FASN: variants seen among roughly 807,000 people sequenced by gnomAD.
FASN encodes 3-hydroxyacyl-[acyl-carrier-protein] dehydratase.
In FASN, 50 loss-of-function variants were observed where a neutral mutation model predicts 250.0. That is an observed-to-expected ratio of 0.20 (90% CI 0.16 to 0.25). The LOEUF is 0.25. Ranked by LOEUF, FASN falls within the 10% of genes least tolerant of loss-of-function variation. FASN has a pLI of 1.00. For missense variants in FASN, 3,031 were observed against 3,498.5 expected (o/e 0.87, Z 3.37); for synonymous variants, 1,909 against 1,584.0 (o/e 1.21, Z -4.87).
intron 39 of FASN, 28 bp downstream of exon 39, chr17:82,080,664 C>T (rs1351398258): frequency 6.4e-7 from 1 of 1,560,090 alleles, no homozygotes; most frequent in East Asian, 2.4e-5. Flanking sequence ...GCACTGACCA[C>T]CGCTTCCAGA....
In FASN at chr17:82,083,320, G is replaced by A. The variant is rs1389792090; in HGVS notation, c.5447C>T (p.Ala1816Val). The A allele has an allele frequency of 6.2e-7, 1 of 1,612,600 alleles. No individual in the cohort carries two copies. Residue 1816 changes from alanine (A) to valine (V), a missense_variant, in exon 32 of 43, where the codon GCC becomes GTC. By Grantham distance (64) the Ala-to-Val change is moderately conservative (BLOSUM62 0). Coordinates refer to ENST00000306749, the MANE Select transcript of FASN (RefSeq NM_004104.5). ...CCGTACCACCCCATCCCGGATGCCG[G>A]CCTGCACAAGCGCCCACACCTCCCG... is the stretch of plus-strand genomic sequence containing the variant. ...DWREVWALVQ[A>V]GIRDGVVRPL... is the part of the protein sequence containing the mutation.
chr17:82,096,269 T>C (rs1598585871), intron 2 of FASN, 50 bp downstream of exon 2: 1 of 1,606,434 alleles, frequency 6.2e-7, no homozygotes, highest in African/African-American at 1.3e-5. Flanking sequence ...AGGACAAAGG[T>C]GGAGATGGAG....
rs1234748346 is a variant in FASN at position 82,092,461 on chromosome 17, C to T, written c.1023G>A (p.Leu341=). ...HPEPASGLAA[L]AKVLLSLEHG... is the part of the protein sequence containing the mutation. ...CAAGCCCAGCCCCACCTACCTTGGC[C>T]AGGGCTGCCAGCCCCGAGGCTGGCT... Residue 341 remains leucine (L), a synonymous_variant, in exon 8 of 43, where the codon CTG becomes CTA. Transcript: ENST00000306749. The T allele has an allele frequency of 5.1e-6, 8 of 1,573,306 alleles. No individual in the cohort carries two copies. The highest frequency in any genetic ancestry group is 6.9e-6 in the Non-Finnish European group (8 of 1,162,382).
In FASN at chr17:82,085,391, C is replaced by T; in HGVS notation, c.4134G>A (p.Glu1378=). ...GQGILSQDAW[E]SLFSRVSLRL... is the part of the protein sequence containing the mutation. ...GCAGCGACACCCTGGAGAAGAGGCT[C>T]TCCCACGCGTCCTGTGGGGGCGGTG... Residue 1378 remains glutamate (E), a synonymous_variant, in exon 24 of 43, where the codon GAG becomes GAA. Coordinates refer to ENST00000306749, the MANE Select transcript of FASN (RefSeq NM_004104.5). 1 of 1,610,852 alleles carries T rather than the reference C, an allele frequency of 6.2e-7. No individual in the cohort carries two copies. The highest frequency in any genetic ancestry group is 8.5e-7 in the Non-Finnish European group (1 of 1,179,254).
At position 82,079,208 on chromosome 17, in the gene FASN, C is replaced by T; in HGVS notation, c.7471G>A (p.Glu2491Lys). The change falls in exon 43 of 43, where the codon GAG becomes AAG. Residue 2491 changes from glutamate to lysine, a missense_variant. Transcript: ENST00000306749. ...HRTLLEGSGLESIISIIHSSL... is the reference protein window; with the variant it reads ...HRTLLEGSGLKSIISIIHSSL... ...CTGTGGATGATGCTGATGATGGACTCCAGGCCGCTGCCCTCCAGCAGCGTG... is the reference window on the plus strand; with the variant it reads ...CTGTGGATGATGCTGATGATGGACTTCAGGCCGCTGCCCTCCAGCAGCGTG... 2 of 1,612,958 alleles carry T rather than the reference C, an allele frequency of 1.2e-6. No homozygotes were observed. Among genetic ancestry groups the T allele is most frequent in the Non-Finnish European group, 1.7e-6 (2 of 1,179,962 alleles).
intron 10 of FASN, 24 bp from the exon 11 acceptor site, chr17:82,090,588 G>C (rs1472523327): frequency 1.2e-6 from 2 of 1,601,318 alleles, no homozygotes; most frequent in African/African-American, 1.3e-5. Flanking sequence ...AGGACACTCA[G>C]GTTGCAACCT....
In FASN at chr17:82,079,594, C is replaced by T; in HGVS notation, c.7161G>A (p.Leu2387=). ...GCTCCTCTAGGCCCTTCAGCGGCAGCAGCGCCTCCAGCACCTGTGGGGTCG... is the reference window on the plus strand; with the variant it reads ...GCTCCTCTAGGCCCTTCAGCGGCAGTAGCGCCTCCAGCACCTGTGGGGTCG... ...DMEHNRVLEA[L]LPLKGLEERV... Residue 2387 remains leucine (L), a synonymous_variant, in exon 42 of 43, where the codon CTG becomes CTA. Transcript: ENST00000306749. 1 of 1,600,434 alleles carries T rather than the reference C, an allele frequency of 6.2e-7. No homozygotes were observed. The highest frequency in any genetic ancestry group is 8.5e-7 in the Non-Finnish European group (1 of 1,179,724).
rs1488899551 is a variant in FASN, at chr17:82,081,788, C to G, written c.6219G>C (p.Met2073Ile). 7 of 1,612,364 alleles carry G rather than the reference C, an allele frequency of 4.3e-6. No individual in the cohort carries two copies. Among genetic ancestry groups the G allele is most frequent in the Non-Finnish European group, 5.9e-6 (7 of 1,179,918 alleles). The change falls in exon 37 of 43, where the codon ATG becomes ATC. Residue 2073 changes from methionine to isoleucine, a missense_variant. Transcript: ENST00000306749. The stretch of plus-strand genomic sequence containing the variant: ...CACTGACGATCGTGTCGTTGGTGCT[C>G]ATCGTCTCCACCAAAATGCCCACGT... ...IGDVGILVET[M>I]STNDTIVSGT... is the part of the protein sequence containing the mutation.
rs2034032198 is a variant in FASN at position 82,083,642 on chromosome 17, A to G, written c.5219-3T>C. ...GGAGTTCAAGACCAGGTCAACGCCT[A>G]GGGGGCCAGAGGGGCCAGACAATCA... On this transcript the variant is annotated splice_polypyrimidine_tract_variant and splice_region_variant and intron_variant, in intron 30 of 42. Transcript: ENST00000306749. 4.4e-6 allele frequency: 7 copies of G among 1,605,654 alleles called. No individual in the cohort carries two copies. Among genetic ancestry groups the G allele is most frequent in the Non-Finnish European group, 5.9e-6 (7 of 1,177,016 alleles).
At chr17:82,082,727 T>A (rs765381381) in intron 33 of FASN, 49 bp from the exon 34 acceptor site, 2 of 1,598,356 alleles carry the variant, frequency 1.3e-6, no homozygotes, top group East Asian at 4.5e-5. Flanking sequence ...TACGGTCTCT[T>A]CCCTACACGC....
At chr17:82,090,623 G>C in intron 10 of FASN, 59 bp from the exon 11 acceptor site, 1 of 1,481,148 alleles carries the variant, frequency 6.8e-7, no homozygotes, top group Non-Finnish European at 9.3e-7. Flanking sequence ...TGTTGGGGGC[G>C]GCCCCCGGCC....
chr17:82,080,151 C>G lies in FASN; in HGVS notation c.7135G>C (p.Glu2379Gln), dbSNP rs778424897. 17 of 1,613,082 alleles carry G rather than the reference C, an allele frequency of 1.1e-5. No homozygotes were observed. The highest frequency in any genetic ancestry group is 9.3e-5 in the African/African-American group (7 of 74,940). Residue 2379 changes from glutamate (E) to glutamine (Q), a missense_variant, in exon 41 of 43, where the codon GAG becomes CAG. By Grantham distance (29) the Glu-to-Gln change is conservative. Transcript: ENST00000306749. ...CFFVQQFTDM[E>Q]HNRVLEALLP... ...TGTCCAGGACCCACCCTGTTGTGCTCCATGTCCGTGAACTGCTGCACGAAG... is the reference window on the plus strand; with the variant it reads ...TGTCCAGGACCCACCCTGTTGTGCTGCATGTCCGTGAACTGCTGCACGAAG...
intron 3 of FASN, 190 bp from the exon 4 acceptor site, chr17:82,093,961 C>G: frequency 1.5e-6 from 1 of 648,480 alleles, no homozygotes; most frequent in Admixed American, 2.4e-5. Flanking sequence ...CAGAACAGAG[C>G]CTGTGGCCAG....
chr17:82,086,917 G>A (rs936501298), intron 21 of FASN, 133 bp downstream of exon 21: 67 of 978,394 alleles, frequency 6.8e-5, no homozygotes, highest in East Asian at 1.0e-4. Flanking sequence ...CGTGAGCTCC[G>A]GCCGGAGGGT....
chr17:82,092,614 G>T (rs754674858), intron 7 of FASN, 25 bp from the exon 8 acceptor site: 5 of 1,604,072 alleles, frequency 3.1e-6, no homozygotes, highest in Non-Finnish European at 4.2e-6. Context: ...GGGGGTGAGG[G>T]GCTCTGGCCA....
chr17:82,088,767 A>G lies in FASN; in HGVS notation c.2414T>C (p.Leu805Pro). Reference sequence around the variant, plus strand: ...GGGCTGGGAAGGGACCCACCCTGAGAGGTGCAGCCTGCCGATGCCGGCCAG... The same window carrying G: ...GGGCTGGGAAGGGACCCACCCTGAGGGGTGCAGCCTGCCGATGCCGGCCAG... ...FFLAGIGRLHLSGIDANPNAL... is the reference protein window; with the variant it reads ...FFLAGIGRLHPSGIDANPNAL... The change falls in exon 15 of 43, where the codon CTC becomes CCC. Residue 805 changes from leucine (L) to proline (P), a missense_variant. Leu to Pro is a moderately conservative substitution (Grantham distance 98, BLOSUM62 -3). Coordinates refer to ENST00000306749, the MANE Select transcript of FASN (RefSeq NM_004104.5). The G allele has an allele frequency of 6.2e-7, 1 of 1,611,574 alleles. No individual in the cohort carries two copies. The highest frequency in any genetic ancestry group is 8.5e-7 in the Non-Finnish European group (1 of 1,179,268).
chr17:82,092,269 G>A lies in FASN; in HGVS notation c.1029+186C>T, dbSNP rs145584748. Among the ~76,000 whole-genome samples the A allele has an allele frequency of 3.6e-3, 542 of 152,322 alleles. 5 individuals are homozygous for A. The highest frequency in any genetic ancestry group is 5.1e-3 in the Non-Finnish European group (347 of 68,016). On this transcript the variant is annotated intron_variant, in intron 8 of 42. Transcript: ENST00000306749. ...GGGAAGGCCCAGCGAGCCTGGCTAC[G>A]AGCTCTCCCTGCTGTCAGCCTCAGT...
intron 1 of FASN, among the ~76,000 whole-genome samples, chr17:82,097,775 GGGA>G (rs1568120203): frequency 6.6e-6 from 1 of 152,106 alleles, no homozygotes; most frequent in East Asian, 1.9e-4. Context: ...GGGCGGCTCC[GGGA>G]GGAGGATGCG....
chr17:82,083,457 T>C (rs1368247954), intron 31 of FASN, 32 bp from the exon 32 acceptor site: 1 of 1,612,668 alleles, frequency 6.2e-7, no homozygotes, highest in Admixed American at 1.7e-5. Context: ...ACCCAGGGCC[T>C]TCCACAGGTC....
Sources: gnomAD v4.1 joint callset for allele counts (sites outside exome capture counted in the v4.1 genomes callset) on GRCh38, gnomAD v4.1.1 for gene constraint, MANE v1.5 for transcripts, NCBI Gene and HGNC (gene_info 2026-07-23, HGNC 2026-07-21) for gene names.